The following SPSB4 variants were observed in gnomAD, a reference collection of about 807,000 sequenced individuals.
The protein encoded by SPSB4 is splA/ryanodine receptor domain and SOCS box containing 4.
A neutral mutation model predicts 20.9 loss-of-function variants in SPSB4; 21 were observed. That is an observed-to-expected ratio of 1.01 (90% CI 0.71 to 1.45). SPSB4 has a LOEUF of 1.45. Among genes scored for constraint, SPSB4 ranks in the 40% most tolerant of loss-of-function variants. The probability of loss-of-function intolerance (pLI) is 0.00; values close to 1 mark genes in which losing one functional copy is unlikely to be tolerated. For missense variants in SPSB4, 399 were observed against 399.2 expected (o/e 1.00, Z 0.00); for synonymous variants, 207 against 183.8 (o/e 1.13, Z -1.02).
rs1342421648 is a variant in SPSB4 at position 141,066,278 on chromosome 3, C to G, written c.174C>G (p.Pro58=). ...LAVQLRHAWN[P]EDRSLNVFVK... is the part of the protein sequence containing the mutation. ...TGCAGCTGCGGCACGCGTGGAACCC[C>G]GAGGACCGCTCGCTCAACGTCTTCG... The change falls in exon 2 of 3, where the codon CCC becomes CCG. Residue 58 remains proline, a synonymous_variant. Coordinates refer to ENST00000310546, the MANE Select transcript of SPSB4 (RefSeq NM_080862.3). 4.5e-6 allele frequency: 7 copies of G among 1,562,884 alleles called. No homozygotes were observed. Among genetic ancestry groups the G allele is most frequent in the African/African-American group, 2.7e-5 (2 of 73,266 alleles).
intron 2 of SPSB4, among the ~76,000 whole-genome samples, chr3:141,134,435 A>G (rs1939191745): frequency 6.6e-6 from 1 of 152,038 alleles, no homozygotes; most frequent in South Asian, 2.1e-4. Context: ...CCCATTCAGT[A>G]GTTTAATGTT....
Position 141,066,483 on chromosome 3 carries a change from G to A in SPSB4, c.379G>A (p.Val127Met), listed in dbSNP as rs747734915. The change falls in exon 2 of 3, where the codon GTG (valine) becomes ATG (methionine). Residue 127 changes from valine (V) to methionine (M), a missense_variant. By Grantham distance (21) the Val-to-Met change is conservative. Transcript: ENST00000310546. ...CACGGCCCGTGCTCCCCTGCACTCCGTGGGCTACACGGCGCTGGTAGGCAG... is the reference window on the plus strand; with the variant it reads ...CACGGCCCGTGCTCCCCTGCACTCCATGGGCTACACGGCGCTGGTAGGCAG... ...VATARAPLHS[V>M]GYTALVGSDA... 3.3e-6 allele frequency: 5 copies of A among 1,500,526 alleles called. No homozygotes were observed. Among genetic ancestry groups the A allele is most frequent in the African/African-American group, 2.8e-5 (2 of 72,700 alleles). The allele number at this position is 1,500,526 out of a possible 1,614,324, so 93.0% of individuals were successfully genotyped here.
intron 2 of SPSB4, among the ~76,000 whole-genome samples, chr3:141,110,126 G>A (rs568547459): frequency 5.3e-5 from 8 of 152,276 alleles, no homozygotes; most frequent in South Asian, 4.1e-4. Context: ...GGTCCACAGC[G>A]GATGCTTCTT....
intron 1 of SPSB4, among the ~76,000 whole-genome samples, chr3:141,058,213 G>T (rs1937694280): frequency 6.6e-6 from 1 of 151,926 alleles, no homozygotes. Context: ...TGAAGACTGT[G>T]CATCATATTT....
intron 2 of SPSB4, among the ~76,000 whole-genome samples, chr3:141,074,272 A>G (rs73234857): frequency 6.5e-4 from 99 of 152,268 alleles, no homozygotes; most frequent in Non-Finnish European, 1.3e-3. Context: ...CTTTGCTACG[A>G]GGTGTCAGGA....
In SPSB4 at chr3:141,119,417, A is replaced by G. The variant is rs530084212; in HGVS notation, c.695-27725A>G. ...TGAAACAATGGGGTTTTCCACATGT[A>G]CAATCATGTCTTCTGCAAACACAGA... On this transcript the variant is annotated intron_variant, in intron 2 of 2. Transcript: ENST00000310546. Among the ~76,000 whole-genome samples, 9 of 152,238 alleles carry G rather than the reference A, an allele frequency of 5.9e-5. No homozygotes were observed. The South Asian group carries it at 6.2e-4, about 10-fold the overall frequency.
chr3:141,136,244 A>T (rs566794597), intron 2 of SPSB4, among the ~76,000 whole-genome samples: 1,929 of 152,068 alleles, frequency 0.013, 39 homozygotes, highest in African/African-American at 0.045. Context: ...TATTAGCCCT[A>T]TGTCAGATGA....
At chr3:141,060,644 T>C (rs1240248765) in intron 1 of SPSB4, among the ~76,000 whole-genome samples, 1 of 152,262 alleles carries the variant, frequency 6.6e-6, no homozygotes, top group Non-Finnish European at 1.5e-5. Flanking sequence ...ATGCTGGAAG[T>C]AGAATTGCTA....
chr3:141,097,400 A>G (rs1435308034), intron 2 of SPSB4, among the ~76,000 whole-genome samples: 3 of 152,018 alleles, frequency 2.0e-5, no homozygotes, highest in Non-Finnish European at 4.4e-5. Context: ...CACATTTCCC[A>G]TATTCTGTTT....
intron 2 of SPSB4, chr3:141,124,018 T>C (rs913172940): frequency 1.3e-5 from 2 of 152,310 alleles, no homozygotes; most frequent in African/African-American, 4.8e-5. Context: ...TGCAGGACCT[T>C]GCCAGGCTTC....
chr3:141,096,552 A>G (rs1399589057), intron 2 of SPSB4, among the ~76,000 whole-genome samples: 1 of 152,208 alleles, frequency 6.6e-6, no homozygotes, highest in African/African-American at 2.4e-5. Flanking sequence ...ATCTAACTGC[A>G]CTATGCCAGA....
At chr3:141,098,934 A>G (rs1164183978) in intron 2 of SPSB4, among the ~76,000 whole-genome samples, 3 of 152,188 alleles carry the variant, frequency 2.0e-5, no homozygotes, top group Non-Finnish European at 2.9e-5. Context: ...GGCGAGGGTC[A>G]TCCCATGGTA....
intron 1 of SPSB4, among the ~76,000 whole-genome samples, chr3:141,061,945 G>A (rs1937774879): frequency 6.6e-6 from 1 of 152,104 alleles, no homozygotes; most frequent in African/African-American, 2.4e-5. Flanking sequence ...ATGTTGGCCA[G>A]GCTAGTCTTG....
intron 2 of SPSB4, among the ~76,000 whole-genome samples, chr3:141,098,687 T>G (rs1938577490): frequency 6.6e-6 from 1 of 152,216 alleles, no homozygotes; most frequent in South Asian, 2.1e-4. Context: ...CTCTAGGGTA[T>G]TCTAGGTATA....
At chr3:141,087,786 G>A (rs1339062810) in intron 2 of SPSB4, among the ~76,000 whole-genome samples, 1 of 152,204 alleles carries the variant, frequency 6.6e-6, no homozygotes, top group Non-Finnish European at 1.5e-5. Context: ...AATGGGAGGG[G>A]ATGATGGCAA....
chr3:141,137,434 C>T (rs1342691962), intron 2 of SPSB4, among the ~76,000 whole-genome samples: 2 of 152,248 alleles, frequency 1.3e-5, no homozygotes, highest in African/African-American at 4.8e-5. Context: ...GGAATGCTTC[C>T]AGTTTTTGCC....
At chr3:141,131,068 C>A (rs547965206) in intron 2 of SPSB4, among the ~76,000 whole-genome samples, 1 of 152,032 alleles carries the variant, frequency 6.6e-6, no homozygotes, top group Admixed American at 6.6e-5. Flanking sequence ...GGGCTGATGG[C>A]CTGAAATAAG....
At chr3:141,084,055 C>G (rs925210119) in intron 2 of SPSB4, among the ~76,000 whole-genome samples, 1 of 152,078 alleles carries the variant, frequency 6.6e-6, no homozygotes, top group South Asian at 2.1e-4. Context: ...AATGGCAGAG[C>G]GAGGTGGATG....
chr3:141,115,432 A>AT (rs1351600338), intron 2 of SPSB4: 1 of 152,272 alleles, frequency 6.6e-6, no homozygotes, highest in Non-Finnish European at 1.5e-5. Flanking sequence ...GAAATGTCAC[A>AT]TAAAAACCTG....
Sources: gnomAD v4.1 joint callset for allele counts (sites outside exome capture counted in the v4.1 genomes callset) on GRCh38, gnomAD v4.1.1 for gene constraint, MANE v1.5 for transcripts, NCBI Gene and HGNC (gene_info 2026-07-23, HGNC 2026-07-21) for gene names.